Variants in MACROD2 observed in about 807,000 individuals in gnomAD.
MACROD2 encodes the protein ADP-ribose glycohydrolase MACROD2.
MACROD2 carries 36 observed loss-of-function variants against 70.4 expected under a neutral mutation model. That is an observed-to-expected ratio of 0.51 (90% CI 0.39 to 0.68). The LOEUF is 0.68. Ranked by LOEUF, MACROD2 falls within the 30% of genes least tolerant of loss-of-function variation. The pLI, the probability that MACROD2 is intolerant of heterozygous loss-of-function variation, is 0.00. For missense variants in MACROD2, 496 were observed against 538.4 expected, an observed-to-expected ratio of 0.92 and a Z score of 0.78; for synonymous variants, 172 against 178.8, an observed-to-expected ratio of 0.96 and a Z score of 0.30.
chr20:14,862,960 T>C (rs1008122042), intron 5 of MACROD2, among the ~76,000 whole-genome samples: 4 of 151,530 alleles, frequency 2.6e-5, no homozygotes, highest in Non-Finnish European at 2.9e-5. Flanking sequence ...ATGCCACGGC[T>C]TCCTCCTTTC....
At chr20:15,168,289 T>TAA (rs1459761814) in intron 5 of MACROD2, among the ~76,000 whole-genome samples, 1 of 152,144 alleles carries the variant, frequency 6.6e-6, no homozygotes, top group Non-Finnish European at 1.5e-5. Context: ...GTAAGTCACT[T>TAA]ACTTTCCCTG....
At chr20:14,684,390 C>CT (rs1330506863) in intron 4 of MACROD2, among the ~76,000 whole-genome samples, 1 of 152,084 alleles carries the variant, frequency 6.6e-6, no homozygotes, top group Non-Finnish European at 1.5e-5. Context: ...TTCTTACTGA[C>CT]TTTTTTCTTC....
intron 3 of MACROD2, among the ~76,000 whole-genome samples, chr20:14,403,315 T>A (rs1048028354): frequency 6.6e-6 from 1 of 152,156 alleles, no homozygotes; most frequent in Non-Finnish European, 1.5e-5. Context: ...TTACAAAAAA[T>A]TGTTAATTTT....
chr20:14,413,396 T>A (rs1225401333), intron 3 of MACROD2, among the ~76,000 whole-genome samples: 1 of 152,198 alleles, frequency 6.6e-6, no homozygotes, highest in African/African-American at 2.4e-5. Context: ...ATTTGAACAA[T>A]GTTCATGTAT....
chr20:14,170,075 G>C (rs556450725), intron 3 of MACROD2, among the ~76,000 whole-genome samples: 1 of 152,210 alleles, frequency 6.6e-6, no homozygotes, highest in African/African-American at 2.4e-5. Flanking sequence ...TGTATTTTTA[G>C]TAGAGATGGG....
chr20:15,243,617 CAA>C (rs3045757), intron 6 of MACROD2, among the ~76,000 whole-genome samples: 42,306 of 151,740 alleles, frequency 0.28, 6,084 homozygotes, highest in African/African-American at 0.34. Flanking sequence ...GTTAAAATGT[CAA>C]GAATTCTGTG....
chr20:15,163,846 A>G (rs1049799389), intron 5 of MACROD2, among the ~76,000 whole-genome samples: 1 of 152,166 alleles, frequency 6.6e-6, no homozygotes, highest in African/African-American at 2.4e-5. Context: ...GAAAAGTCCA[A>G]TGTATTTCAT....
chr20:15,689,418 G>T (rs2050270768), intron 8 of MACROD2, among the ~76,000 whole-genome samples: 1 of 152,026 alleles, frequency 6.6e-6, no homozygotes, highest in African/African-American at 2.4e-5. Flanking sequence ...ATTTTCATAA[G>T]ATCTGTGGGG....
intron 5 of MACROD2, among the ~76,000 whole-genome samples, chr20:15,088,450 T>TATAA (rs2075769323): frequency 2.4e-5 from 2 of 81,684 alleles, no homozygotes; most frequent in South Asian, 6.6e-4. Flanking sequence ...TATATATATA[T>TATAA]AATATTTTGT....
At position 14,929,794 on chromosome 20, in the gene MACROD2, G is replaced by A. The variant is rs573737663; in HGVS notation, c.418+244835G>A. 2.6e-5 allele frequency among the ~76,000 whole-genome samples: 4 copies of A among 152,148 alleles called. No homozygotes were observed. The South Asian group carries it at 6.2e-4, about 24-fold the overall frequency. On this transcript the variant is annotated intron_variant, in intron 5 of 17. Transcript: ENST00000684519. ...GATGCTCTTCTCACCCCTATCACTC[G>A]GATAATTCCAAGAGTTTCAGAAGCT...
intron 3 of MACROD2, among the ~76,000 whole-genome samples, chr20:14,437,057 G>A (rs1413195867): frequency 6.6e-6 from 1 of 152,050 alleles, no homozygotes; most frequent in African/African-American, 2.4e-5. Flanking sequence ...TAAAATTGTA[G>A]GCAGCTTAAT....
chr20:15,595,545 TA>T (rs1273981920), intron 8 of MACROD2, among the ~76,000 whole-genome samples: 1 of 152,200 alleles, frequency 6.6e-6, no homozygotes, highest in Non-Finnish European at 1.5e-5. Flanking sequence ...GAGGAATAGT[TA>T]AATTAAGGCT....
chr20:15,005,477 T>G (rs1449533529), intron 5 of MACROD2, among the ~76,000 whole-genome samples: 1 of 152,156 alleles, frequency 6.6e-6, no homozygotes, highest in Non-Finnish European at 1.5e-5. Context: ...AATCAAATAT[T>G]CTTGTTGTTG....
intron 7 of MACROD2, among the ~76,000 whole-genome samples, chr20:15,490,476 G>A (rs966610026): frequency 8.6e-5 from 13 of 151,914 alleles, no homozygotes; most frequent in African/African-American, 3.1e-4. Context: ...GCCAAGACTG[G>A]TCTAGAACTC....
intron 6 of MACROD2, among the ~76,000 whole-genome samples, chr20:15,310,566 T>C (rs2146145826): frequency 6.6e-6 from 1 of 152,230 alleles, no homozygotes; most frequent in East Asian, 1.9e-4. Context: ...GAAAAAAGAA[T>C]CTTCAACAAC....
intron 3 of MACROD2, among the ~76,000 whole-genome samples, chr20:14,125,107 G>A (rs905722030): frequency 5.9e-5 from 9 of 152,080 alleles, no homozygotes; most frequent in Non-Finnish European, 1.3e-4. Context: ...ATAGATAATG[G>A]AGGCAGAAAG....
intron 3 of MACROD2, among the ~76,000 whole-genome samples, chr20:14,345,455 T>C (rs1052566902): frequency 6.6e-6 from 1 of 152,134 alleles, no homozygotes; most frequent in African/African-American, 2.4e-5. Flanking sequence ...TAGGTAATTA[T>C]AAGGAACTTT....
chr20:14,764,025 A>G (rs922049933), intron 5 of MACROD2, among the ~76,000 whole-genome samples: 7 of 152,064 alleles, frequency 4.6e-5, no homozygotes, highest in Non-Finnish European at 8.8e-5. Flanking sequence ...ATATATGTGC[A>G]TGAGATCACT....
intron 6 of MACROD2, among the ~76,000 whole-genome samples, chr20:15,282,497 C>A (rs948331505): frequency 2.6e-5 from 4 of 152,214 alleles, no homozygotes; most frequent in African/African-American, 7.2e-5. Context: ...GAAATTTCTT[C>A]TGCCAGATTC....
Sources: gnomAD v4.1 joint callset for allele counts (sites outside exome capture counted in the v4.1 genomes callset) on GRCh38, gnomAD v4.1.1 for gene constraint, MANE v1.5 for transcripts, NCBI Gene and HGNC (gene_info 2026-07-23, HGNC 2026-07-21) for gene names.